ARHGAP24: variants seen among roughly 807,000 people sequenced by gnomAD.
ARHGAP24 encodes the protein Rho GTPase activating protein 24.
ARHGAP24 carries 50 observed loss-of-function variants against 76.4 expected under a neutral mutation model. That is an observed-to-expected ratio of 0.65 (90% CI 0.52 to 0.83). ARHGAP24 has a LOEUF of 0.83. Among genes scored for constraint, ARHGAP24 ranks in the 40% least tolerant of loss-of-function variants. The pLI is 0.00. For missense variants in ARHGAP24, 930 were observed against 914.2 expected (o/e 1.02, Z -0.22); for synonymous variants, 345 against 323.3 (o/e 1.07, Z -0.72).
At position 85,942,141 on chromosome 4, in the gene ARHGAP24, T is replaced by G. The variant is rs1560734094; in HGVS notation, c.467T>G (p.Val156Gly). Residue 156 changes from valine (V) to glycine (G), a missense_variant, in exon 5 of 10, where the codon GTG becomes GGG. Transcript: ENST00000395184. ...GGGAACCGTCTGGCTCCGATGTTGG[T>G]GGAGCAGTGCGTGGACTTTATCCGA... ...RYGNRLAPML[V>G]EQCVDFIRQR... The G allele has an allele frequency of 2.5e-6, 4 of 1,614,014 alleles. No homozygotes were observed. The highest frequency in any genetic ancestry group is 3.4e-6 in the Non-Finnish European group (4 of 1,180,006).
chr4:85,994,290 C>T (rs1740513498), intron 8 of ARHGAP24, among the ~76,000 whole-genome samples: 1 of 152,086 alleles, frequency 6.6e-6, no homozygotes, highest in Non-Finnish European at 1.5e-5. Context: ...AACGTGTAAC[C>T]TTAATCAAGT....
chr4:85,484,227 T>C (rs1722932531), intron 1 of ARHGAP24, among the ~76,000 whole-genome samples: 1 of 152,186 alleles, frequency 6.6e-6, no homozygotes, highest in African/African-American at 2.4e-5. Flanking sequence ...CTATACATTG[T>C]TTATATGTTG....
In ARHGAP24 at chr4:85,923,751, A is replaced by G; in HGVS notation, c.372A>G (p.Ile124Met). The change falls in exon 4 of 10, where the codon ATA (isoleucine) becomes ATG (methionine). Residue 124 changes from isoleucine (I) to methionine (M), a missense_variant. Physicochemically the swap from Ile to Met is conservative, Grantham distance 10. Transcript: ENST00000395184. ...EDWVKSIRRV[I>M]WGPFGGGIFG... is the part of the protein sequence containing the mutation. ...GGGTGAAGTCAATCCGCCGAGTCAT[A>G]TGGGGACCTTTCGGAGGAGGTGAGT... 6.2e-7 allele frequency: 1 copy of G among 1,614,014 alleles called. No individual in the cohort carries two copies. The highest frequency in any genetic ancestry group is 8.5e-7 in the Non-Finnish European group (1 of 1,179,932).
At chr4:85,964,140 A>C (rs562129737) in intron 5 of ARHGAP24, among the ~76,000 whole-genome samples, 6 of 152,188 alleles carry the variant, frequency 3.9e-5, no homozygotes, top group African/African-American at 1.4e-4. Flanking sequence ...AGGCATTTGT[A>C]TTTCTTTTTA....
intron 2 of ARHGAP24, among the ~76,000 whole-genome samples, chr4:85,636,169 G>A (rs7689508): frequency 0.33 from 49,817 of 151,070 alleles, 9,228 homozygotes; most frequent in East Asian, 0.84. Flanking sequence ...AGACTCCATC[G>A]TATTGCACTT....
At chr4:85,663,808 T>C (rs866245272) in intron 2 of ARHGAP24, among the ~76,000 whole-genome samples, 11 of 151,818 alleles carry the variant, frequency 7.2e-5, no homozygotes, top group African/African-American at 2.4e-4. Flanking sequence ...TCTGTTTATA[T>C]GCTGGATTAC....
At chr4:85,592,169 T>G (rs72979969) in intron 2 of ARHGAP24, among the ~76,000 whole-genome samples, 8,486 of 152,242 alleles carry the variant, frequency 0.056, 780 homozygotes, top group African/African-American at 0.19. Flanking sequence ...CTTTTAATTT[T>G]TGTGGGTGCA....
chr4:85,647,277 A>G (rs1184946673), intron 2 of ARHGAP24, among the ~76,000 whole-genome samples: 1 of 152,134 alleles, frequency 6.6e-6, no homozygotes, highest in Admixed American at 6.6e-5. Context: ...GCATAATTCT[A>G]TAATTAATTA....
chr4:85,737,838 C>G lies in ARHGAP24; in HGVS notation c.268+15866C>G, dbSNP rs1242611352. The stretch of plus-strand genomic sequence containing the variant: ...AGGAAGGAAGCTGGCTCATACTTAG[C>G]AACATTCTACTTAGCTGTCTTTCCA... On this transcript the variant is annotated intron_variant, in intron 3 of 9. Transcript: ENST00000395184. Among the ~76,000 whole-genome samples, 5 of 152,162 alleles carry G rather than the reference C, an allele frequency of 3.3e-5. No homozygotes were observed. The East Asian group carries it at 7.7e-4, about 23-fold the overall frequency.
chr4:85,906,857 A>C (rs1487073705), intron 3 of ARHGAP24, among the ~76,000 whole-genome samples: 7 of 152,180 alleles, frequency 4.6e-5, no homozygotes, highest in Non-Finnish European at 7.4e-5. Flanking sequence ...ACAGGAGCTC[A>C]TATCTTAGGC....
At chr4:85,483,192 A>G (rs1722883185) in intron 1 of ARHGAP24, among the ~76,000 whole-genome samples, 1 of 152,196 alleles carries the variant, frequency 6.6e-6, no homozygotes, top group Non-Finnish European at 1.5e-5. Flanking sequence ...AACAGGGGGA[A>G]TCCTGAGCAG....
intron 2 of ARHGAP24, among the ~76,000 whole-genome samples, chr4:85,639,032 T>C (rs1427376349): frequency 6.6e-6 from 1 of 152,144 alleles, no homozygotes; most frequent in East Asian, 1.9e-4. Context: ...TTTACATAGT[T>C]GCTGCTAATA....
At chr4:85,884,280 C>A (rs915299074) in intron 3 of ARHGAP24, among the ~76,000 whole-genome samples, 1 of 152,124 alleles carries the variant, frequency 6.6e-6, no homozygotes, top group Non-Finnish European at 1.5e-5. Context: ...GATTCCAGTC[C>A]ACTTAAACAA....
chr4:85,972,320 A>G, intron 6 of ARHGAP24, 152 bp downstream of exon 6: 1 of 968,274 alleles, frequency 1.0e-6, no homozygotes, highest in Non-Finnish European at 1.6e-6. Context: ...CTTTCCGTAT[A>G]CAGCTCAAGC....
chr4:85,514,307 A>G (rs937876577), intron 1 of ARHGAP24, among the ~76,000 whole-genome samples: 14 of 152,062 alleles, frequency 9.2e-5, no homozygotes, highest in Non-Finnish European at 1.6e-4. Context: ...TTCCTTCCCT[A>G]TCTGGCCTTT....
intron 3 of ARHGAP24, among the ~76,000 whole-genome samples, chr4:85,781,027 A>C (rs1404679126): frequency 6.6e-6 from 1 of 152,248 alleles, no homozygotes; most frequent in African/African-American, 2.4e-5. Flanking sequence ...CGCTGTTCAC[A>C]TGCATGTCTA....
intron 3 of ARHGAP24, among the ~76,000 whole-genome samples, chr4:85,756,432 A>AGG (rs1726497511): frequency 6.6e-6 from 1 of 152,214 alleles, no homozygotes; most frequent in African/African-American, 2.4e-5. Flanking sequence ...ATATAATTTT[A>AGG]GGGCATTAGT....
At chr4:85,894,098 A>AG (rs1560700773) in intron 3 of ARHGAP24, among the ~76,000 whole-genome samples, 12 of 110,568 alleles carry the variant, frequency 1.1e-4, no homozygotes, top group African/African-American at 4.0e-4. Flanking sequence ...TTAGAGTATA[A>AG]TAAAAAAAAA....
intron 1 of ARHGAP24, among the ~76,000 whole-genome samples, chr4:85,564,229 G>A (rs1371166243): frequency 6.6e-6 from 1 of 152,052 alleles, no homozygotes; most frequent in Non-Finnish European, 1.5e-5. Context: ...GAGAATGATG[G>A]TTTCCAGCTT....
Sources: allele counts gnomAD v4.1 joint callset (sites outside exome capture counted in the v4.1 genomes callset), GRCh38; gene constraint gnomAD v4.1.1; transcripts MANE v1.5; gene names NCBI Gene and HGNC (gene_info 2026-07-23, HGNC 2026-07-21).